Variants in DNAI4 observed in about 807,000 individuals in gnomAD.
DNAI4 encodes the protein WD repeat domain 78.
A neutral mutation model predicts 105.8 loss-of-function variants in DNAI4; 85 were observed. The observed-to-expected ratio is 0.80, with a 90% CI of 0.67 to 0.96. DNAI4 has a LOEUF of 0.96. Among genes scored for constraint, DNAI4 ranks in the 40% least tolerant of loss-of-function variants. The pLI is 0.00. For synonymous variants in DNAI4, 352 were observed against 331.5 expected (o/e 1.06, Z -0.67); for missense variants, 1,014 against 1,005.6 (o/e 1.01, Z -0.11).
At chr1:66,874,134 A>G (rs796264652) in intron 5 of DNAI4, among the ~76,000 whole-genome samples, 3 of 152,060 alleles carry the variant, frequency 2.0e-5, no homozygotes, top group African/African-American at 7.2e-5. Flanking sequence ...AGGAGAGCGG[A>G]ACAAGAAAAA....
intron 1 of DNAI4, among the ~76,000 whole-genome samples, chr1:66,913,034 G>A (rs972782104): frequency 9.2e-5 from 14 of 152,254 alleles, no homozygotes; most frequent in African/African-American, 3.4e-4. Context: ...CTTCCGTGAC[G>A]ATGGAAGGCA....
chr1:66,830,398 G>A (rs1386078668), intron 13 of DNAI4, among the ~76,000 whole-genome samples: 2 of 152,154 alleles, frequency 1.3e-5, no homozygotes, highest in African/African-American at 4.8e-5. Flanking sequence ...CCAGCACTTT[G>A]GGAGGCCAGG....
chr1:66,830,340 A>G (rs918549025), intron 13 of DNAI4, among the ~76,000 whole-genome samples: 10 of 152,128 alleles, frequency 6.6e-5, no homozygotes, highest in Non-Finnish European at 1.3e-4. Context: ...GACACAAATT[A>G]CTAATATTAG....
chr1:66,903,386 C>A (rs1648985695), intron 2 of DNAI4, among the ~76,000 whole-genome samples: 1 of 152,130 alleles, frequency 6.6e-6, no homozygotes, highest in African/African-American at 2.4e-5. Context: ...TTCTGTCCTG[C>A]AACTTTGCAG....
At chr1:66,865,043 C>G (rs542447859) in intron 6 of DNAI4, among the ~76,000 whole-genome samples, 34 of 152,104 alleles carry the variant, frequency 2.2e-4, no homozygotes, top group Non-Finnish European at 8.8e-5. Context: ...GTATGCTCTT[C>G]TGTTTGCGGT....
Position 66,847,594 on chromosome 1 carries a change from A to G in DNAI4, c.1181T>C (p.Ile394Thr). The change falls in exon 8 of 17, where the codon ATA becomes ACA. Residue 394 changes from isoleucine (I) to threonine (T), a missense_variant. Transcript: ENST00000371026. ...CTGATGAAATTTGTCAGATTTTAATATTGCATCTGAGTGGTCTTCCTCATC... is the reference window on the plus strand; with the variant it reads ...CTGATGAAATTTGTCAGATTTTAATGTTGCATCTGAGTGGTCTTCCTCATC... ...HEDEEDHSDAILKSDKFHQDL... is the reference protein window; with the variant it reads ...HEDEEDHSDATLKSDKFHQDL... The G allele has an allele frequency of 6.2e-7, 1 of 1,613,952 alleles. No individual in the cohort carries two copies. The highest frequency in any genetic ancestry group is 8.5e-7 in the Non-Finnish European group (1 of 1,179,902).
chr1:66,843,312 A>C (rs773985261), intron 8 of DNAI4, among the ~76,000 whole-genome samples: 5 of 151,670 alleles, frequency 3.3e-5, no homozygotes, highest in Non-Finnish European at 7.4e-5. Flanking sequence ...TTTGTATGCT[A>C]CTTTGGCATG....
At chr1:66,924,013 T>G (rs1315703282) in intron 1 of DNAI4, among the ~76,000 whole-genome samples, 1 of 152,180 alleles carries the variant, frequency 6.6e-6, no homozygotes, top group African/African-American at 2.4e-5. Context: ...CACAGCAATG[T>G]TCGGCCTGGT....
chr1:66,867,694 A>G (rs890021521), intron 6 of DNAI4, among the ~76,000 whole-genome samples: 3 of 151,816 alleles, frequency 2.0e-5, no homozygotes, highest in Non-Finnish European at 4.4e-5. Context: ...TCCTGGAACT[A>G]TTTTTTTTAG....
Position 66,889,510 on chromosome 1 carries a change from G to A in DNAI4, c.643+1644C>T, listed in dbSNP as rs3008879. On this transcript the variant is annotated intron_variant, in intron 4 of 16. Transcript: ENST00000371026. The stretch of plus-strand genomic sequence containing the variant: ...CAAAAGCTATCTCTTCTTTTAATGT[G>A]AGAAAAGTAAATATTTGTTCAATTC... Among the ~76,000 whole-genome samples the A allele has an allele frequency of 7.9e-3, 1,206 of 152,298 alleles. 15 individuals carry two copies. Among genetic ancestry groups the A allele is most frequent in the African/African-American group, 0.028 (1,160 of 41,564 alleles).
intron 1 of DNAI4, among the ~76,000 whole-genome samples, chr1:66,911,869 TCTCA>T (rs1649684162): frequency 1.3e-5 from 2 of 152,098 alleles, no homozygotes; most frequent in South Asian, 4.1e-4. Flanking sequence ...TGAGACAGAG[TCTCA>T]CTCTGTTGCC....
intron 1 of DNAI4, among the ~76,000 whole-genome samples, chr1:66,917,699 C>T (rs1650170822): frequency 6.6e-6 from 1 of 152,192 alleles, no homozygotes; most frequent in Non-Finnish European, 1.5e-5. Context: ...ATTTGTTTTT[C>T]ACTACCTGAT....
intron 6 of DNAI4, among the ~76,000 whole-genome samples, chr1:66,866,040 G>GGTC (rs1646726161): frequency 6.6e-6 from 1 of 152,154 alleles, no homozygotes; most frequent in African/African-American, 2.4e-5. Context: ...GCAGTGTGGT[G>GGTC]GCTCATGTCT....
At chr1:66,845,219 A>ATT in intron 8 of DNAI4, among the ~76,000 whole-genome samples, 1 of 22,134 alleles carries the variant, frequency 4.5e-5, no homozygotes, top group East Asian at 5.5e-4. Flanking sequence ...AGAAAAATTA[A>ATT]AAAAAAAAAA....
At chr1:66,874,628 T>A (rs1646922381) in intron 5 of DNAI4, among the ~76,000 whole-genome samples, 153 bp downstream of exon 5, 1 of 152,160 alleles carries the variant, frequency 6.6e-6, no homozygotes, top group Non-Finnish European at 1.5e-5. Context: ...TATATAACTT[T>A]GTATATAATT....
chr1:66,893,022 GAA>G lies in DNAI4; in HGVS notation c.530+205_530+206del, dbSNP rs1317221097. Reference sequence around the variant, plus strand: ...GAGAGAAAGAGAGAGAGGAAAGAAAGAAAGAAAGAGAGGAAAGAAAGAAAGAA... The same window carrying G: ...GAGAGAAAGAGAGAGAGGAAAGAAAGAGAAAGAGAGGAAAGAAAGAAAGAA... On this transcript the variant is annotated intron_variant, in intron 3 of 16. Transcript: ENST00000371026. Among the ~76,000 whole-genome samples, 6 of 130,622 alleles carry G rather than the reference GAA, an allele frequency of 4.6e-5. 1 individual carries two copies. Among genetic ancestry groups the G allele is most frequent in the Admixed American group, 3.1e-4 (4 of 12,740 alleles). The allele number at this position is 130,622 out of a possible 152,430, so 85.7% of individuals were successfully genotyped here.
chr1:66,871,225 G>A (rs1646838874), intron 6 of DNAI4, 145 bp downstream of exon 6: 1 of 582,124 alleles, frequency 1.7e-6, no homozygotes, highest in Admixed American at 3.6e-5. Flanking sequence ...GAAAGCTATA[G>A]AACACAGTGT....
chr1:66,827,299 T>A (rs1645775835), intron 14 of DNAI4, among the ~76,000 whole-genome samples: 1 of 150,544 alleles, frequency 6.6e-6, no homozygotes. Flanking sequence ...AAATAAAGAG[T>A]ATTAAGAAAA....
At chr1:66,899,784 C>A (rs1648652382) in intron 2 of DNAI4, among the ~76,000 whole-genome samples, 1 of 152,184 alleles carries the variant, frequency 6.6e-6, no homozygotes, top group Admixed American at 6.5e-5. Context: ...AGGTGGCAAT[C>A]CAGTTATCCT....
Sources: allele counts gnomAD v4.1 joint callset (sites outside exome capture counted in the v4.1 genomes callset), GRCh38; gene constraint gnomAD v4.1.1; transcripts MANE v1.5; gene names NCBI Gene and HGNC (gene_info 2026-07-23, HGNC 2026-07-21).